Variants in PDE4D observed in about 807,000 individuals in gnomAD.
The protein encoded by PDE4D is 3',5'-cyclic-AMP phosphodiesterase 4D.
A neutral mutation model predicts 87.4 loss-of-function variants in PDE4D; 24 were observed. The observed-to-expected ratio is 0.27, with a 90% CI of 0.20 to 0.39. PDE4D has a LOEUF of 0.39. PDE4D is among the 10% of genes least tolerant of loss of function. The pLI, the probability that PDE4D is intolerant of heterozygous loss-of-function variation, is 1.00. For missense variants in PDE4D, 714 were observed against 1,041.0 expected (o/e 0.69, Z 4.32); for synonymous variants, 384 against 383.2 (o/e 1.00, Z -0.02).
chr5:59,116,163 A>ATAG lies in PDE4D; in HGVS notation c.808+64429_808+64431dup, dbSNP rs1215689843. On this transcript the variant is annotated intron_variant, in intron 5 of 14. Coordinates refer to ENST00000340635, the MANE Select transcript of PDE4D (RefSeq NM_001104631.2). ...CATTAGCAACCTGTTTTCAGCATAT[A>ATAG]TAGTACTGAACCACATTATAATGTT... Among the ~76,000 whole-genome samples the ATAG allele has an allele frequency of 2.0e-5, 3 of 152,308 alleles. No homozygotes were observed. The South Asian group carries it at 6.2e-4, about 32-fold the overall frequency.
intron 1 of PDE4D, among the ~76,000 whole-genome samples, chr5:59,564,595 C>A (rs994759222): frequency 6.6e-6 from 1 of 152,110 alleles, no homozygotes; most frequent in South Asian, 2.1e-4. Context: ...TCTGCATATC[C>A]AAACAAGCAC....
intron 1 of PDE4D, among the ~76,000 whole-genome samples, chr5:59,361,603 G>T (rs761709431): frequency 1.6e-4 from 24 of 152,084 alleles, no homozygotes; most frequent in Non-Finnish European, 2.5e-4. Flanking sequence ...CCCATACCAG[G>T]TGAGGTCTCC....
At chr5:60,155,003 G>T (rs938047459) in intron 2 of PDE4D, among the ~76,000 whole-genome samples, 23 of 152,238 alleles carry the variant, frequency 1.5e-4, no homozygotes, top group African/African-American at 5.3e-4. Context: ...TTTCTTTGAT[G>T]GGCATTGGGT....
chr5:59,376,618 T>C (rs1162077888), intron 1 of PDE4D, among the ~76,000 whole-genome samples: 1 of 152,132 alleles, frequency 6.6e-6, no homozygotes, highest in Non-Finnish European at 1.5e-5. Flanking sequence ...CCTGAAGCAA[T>C]TTATAGATTC....
intron 1 of PDE4D, among the ~76,000 whole-genome samples, chr5:59,433,899 C>A (rs1796452231): frequency 6.6e-6 from 1 of 152,068 alleles, no homozygotes; most frequent in South Asian, 2.1e-4. Flanking sequence ...CAATTTCAAT[C>A]CATAGGACTT....
chr5:58,990,858 T>A lies in PDE4D; in HGVS notation c.1233A>T (p.Ile411=), dbSNP rs777941503. The change falls in exon 9 of 15, where the codon ATA becomes ATT. Residue 411 remains isoleucine (I), a synonymous_variant. Coordinates refer to ENST00000340635, the MANE Select transcript of PDE4D (RefSeq NM_001104631.2). ...VNKWGLHVFR[I]AELSGNRPLT... is the part of the protein sequence containing the mutation. ...AGGGCCGGTTACCAGACAACTCTGC[T>A]ATTCTGAAAACATGAAGACCCCATT... 6.2e-7 allele frequency: 1 copy of A among 1,606,132 alleles called. No homozygotes were observed. Among genetic ancestry groups the A allele is most frequent in the East Asian group, 2.2e-5 (1 of 44,686 alleles).
intron 2 of PDE4D, among the ~76,000 whole-genome samples, chr5:59,211,141 A>T (rs1472637982): frequency 1.3e-5 from 2 of 152,178 alleles, no homozygotes; most frequent in Middle Eastern, 3.2e-3. Flanking sequence ...GTTATAAAAA[A>T]TTTTTACTAT....
At position 60,310,658 on chromosome 5, in the gene PDE4D, C is replaced by CATCT. The variant is rs1484374041; in HGVS notation, c.-89-124975_-89-124972dup. Among the ~76,000 whole-genome samples the CATCT allele has an allele frequency of 1.6e-4, 24 of 152,338 alleles. 1 individual carries two copies. The East Asian group carries it at 3.5e-3, about 22-fold the overall frequency. ...TACCGACATTATAACCTCCCATGTG[C>CATCT]ATCTGCACATGCTCCTGAGAAATGG... On this transcript the variant is annotated intron_variant, in intron 1 of 16. Transcript: ENST00000502484.
intron 1 of PDE4D, among the ~76,000 whole-genome samples, chr5:59,715,229 A>G (rs1483080994): frequency 2.0e-5 from 3 of 152,228 alleles, no homozygotes; most frequent in African/African-American, 7.2e-5. Flanking sequence ...TGGGGCACCT[A>G]CTTGAAGCAA....
chr5:59,586,366 C>T (rs577734132), intron 1 of PDE4D: 15 of 1,612,840 alleles, frequency 9.3e-6, no homozygotes, highest in South Asian at 3.3e-5. Flanking sequence ...AAATTATTCA[C>T]GTGCATCATG....
At chr5:60,365,690 T>C (rs767576370) in intron 1 of PDE4D, among the ~76,000 whole-genome samples, 2 of 152,206 alleles carry the variant, frequency 1.3e-5, no homozygotes, top group African/African-American at 2.4e-5. Flanking sequence ...TCTTGAACTT[T>C]GTATTCCTCA....
At chr5:60,053,795 G>A (rs1362887880) in intron 2 of PDE4D, among the ~76,000 whole-genome samples, 1 of 151,980 alleles carries the variant, frequency 6.6e-6, no homozygotes, top group Non-Finnish European at 1.5e-5. Flanking sequence ...ATCTGACAAA[G>A]GTCTAACATC....
intron 1 of PDE4D, among the ~76,000 whole-genome samples, chr5:59,379,104 C>G (rs1785273395): frequency 6.6e-6 from 1 of 152,066 alleles, no homozygotes. Flanking sequence ...CCTTCCTGGT[C>G]TTCACTGCCT....
intron 1 of PDE4D, among the ~76,000 whole-genome samples, chr5:59,337,561 T>A (rs768402974): frequency 1.6e-4 from 24 of 152,206 alleles, no homozygotes; most frequent in Non-Finnish European, 1.9e-4. Context: ...TGTACATGAT[T>A]ATCTCACTTA....
At chr5:59,899,737 C>G (rs142524057) in intron 3 of PDE4D, among the ~76,000 whole-genome samples, 1 of 152,108 alleles carries the variant, frequency 6.6e-6, no homozygotes, top group Non-Finnish European at 1.5e-5. Context: ...AGCCAGCACT[C>G]CAGGCTGTGG....
chr5:60,121,703 G>A (rs188815537), intron 2 of PDE4D, among the ~76,000 whole-genome samples: 19 of 152,178 alleles, frequency 1.2e-4, no homozygotes, highest in African/African-American at 2.6e-4. Context: ...GTGGGGACAC[G>A]GAGCTAAACC....
At chr5:59,492,665 G>A (rs1333210533) in intron 1 of PDE4D, among the ~76,000 whole-genome samples, 1 of 152,120 alleles carries the variant, frequency 6.6e-6, no homozygotes, top group Non-Finnish European at 1.5e-5. Context: ...AATAATACCA[G>A]GGAAGTTTAT....
At chr5:60,085,833 T>C (rs1478608770) in intron 2 of PDE4D, among the ~76,000 whole-genome samples, 2 of 152,340 alleles carry the variant, frequency 1.3e-5, no homozygotes, top group Admixed American at 6.5e-5. Context: ...GGCTGATTAA[T>C]TTAGAGGGTT....
rs376529624 is a variant in PDE4D, at chr5:60,080,271, A to C, written c.43-91554T>G. The stretch of plus-strand genomic sequence containing the variant: ...TGCTGAAACTGCTTATCAGTTAAGA[A>C]ATTTTGGGGCTGAGATGATGGTGTT... On this transcript the variant is annotated intron_variant, in intron 2 of 16. Coordinates refer to the PDE4D transcript ENST00000502484. Among the ~76,000 whole-genome samples, 30 of 152,282 alleles carry C rather than the reference A, an allele frequency of 2.0e-4. No individual in the cohort carries two copies. The South Asian group carries it at 3.5e-3, about 18-fold the overall frequency.
Sources: gnomAD v4.1 joint callset for allele counts (sites outside exome capture counted in the v4.1 genomes callset) on GRCh38, gnomAD v4.1.1 for gene constraint, MANE v1.5 for transcripts, NCBI Gene and HGNC (gene_info 2026-07-23, HGNC 2026-07-21) for gene names.